Variants in PCNX2 observed in about 807,000 individuals in gnomAD.
The protein encoded by PCNX2 is pecanex-like protein 2.
Under a neutral mutation model 223.8 loss-of-function variants are expected in PCNX2, and 168 were observed. The observed-to-expected ratio is 0.75, with a 90% CI of 0.66 to 0.85. The LOEUF is 0.85. PCNX2 is among the 40% of genes least tolerant of loss of function. The pLI is 0.00. For missense variants in PCNX2, 2,507 were observed against 2,675.5 expected, an observed-to-expected ratio of 0.94 and a Z score of 1.39; for synonymous variants, 1,006 against 1,052.6, an observed-to-expected ratio of 0.96 and a Z score of 0.86.
At chr1:233,157,965 C>T (rs2102815848) in intron 19 of PCNX2, among the ~76,000 whole-genome samples, 1 of 152,068 alleles carries the variant, frequency 6.6e-6, no homozygotes, top group Admixed American at 6.6e-5. Context: ...AGTGTGGACC[C>T]CTCCCAGCCT....
chr1:233,214,885 T>C (rs1047792863), intron 12 of PCNX2, among the ~76,000 whole-genome samples: 2 of 152,184 alleles, frequency 1.3e-5, no homozygotes, highest in Non-Finnish European at 2.9e-5. Flanking sequence ...ATACACAGTG[T>C]TATGCAAAAA....
chr1:233,121,040 T>A (rs773555641), intron 21 of PCNX2, among the ~76,000 whole-genome samples: 29 of 151,072 alleles, frequency 1.9e-4, no homozygotes, highest in Non-Finnish European at 1.0e-4. Flanking sequence ...CAAGGAACAA[T>A]TGGAGTTTAA....
At position 233,161,034 on chromosome 1, in the gene PCNX2, C is replaced by T. The variant is rs562132608; in HGVS notation, c.3366+237G>A. ...CATCATTCTTGCAAACAAAACAGCT[C>T]CCCAGATGCAGGAAAGGGTAAGGAT... On this transcript the variant is annotated intron_variant, in intron 18 of 33. Coordinates refer to ENST00000258229, the MANE Select transcript of PCNX2 (RefSeq NM_014801.4). Among the ~76,000 whole-genome samples, 83 of 152,250 alleles carry T rather than the reference C, an allele frequency of 5.5e-4. 1 individual carries two copies. In the South Asian group the frequency reaches 0.013, roughly 24 times the overall value.
chr1:233,292,937 T>A (rs1048216445), intron 1 of PCNX2, among the ~76,000 whole-genome samples: 1 of 152,214 alleles, frequency 6.6e-6, no homozygotes, highest in East Asian at 1.9e-4. Context: ...TGTTTTTTTT[T>A]AAAGTCTGAT....
At position 233,139,974 on chromosome 1, in the gene PCNX2, G is replaced by T; in HGVS notation, c.3518-119C>A. The stretch of plus-strand genomic sequence containing the variant: ...TTCAAAAGCTGCTAATTAAGAACTC[G>T]TGATACTAGACATGATATACCATTT... On this transcript the variant is annotated intron_variant, in intron 19 of 33. Coordinates refer to ENST00000258229, the MANE Select transcript of PCNX2 (RefSeq NM_014801.4). This position sits in a 1 kb window ranked among gnomAD's most constrained non-coding sequence, Gnocchi z 4.4. 1 of 1,262,538 alleles carries T rather than the reference G, an allele frequency of 7.9e-7. No individual in the cohort carries two copies. The highest frequency in any genetic ancestry group is 1.6e-5 in the South Asian group (1 of 62,758). The allele number at this position is 1,262,538 out of a possible 1,614,324, so 78.2% of individuals were successfully genotyped here. A position where few individuals can be genotyped will look rare whatever the true frequency, so the allele number is the denominator to read the frequency against.
intron 19 of PCNX2, among the ~76,000 whole-genome samples, chr1:233,157,907 G>C (rs940818351): frequency 1.3e-5 from 2 of 152,036 alleles, no homozygotes; most frequent in Admixed American, 6.6e-5. Context: ...AGCTAGTGTA[G>C]GTAGGTGAGA....
upstream of PCNX2, among the ~76,000 whole-genome samples, chr1:233,298,384 C>T (rs1662206075): frequency 6.6e-6 from 1 of 152,146 alleles, no homozygotes; most frequent in African/African-American, 2.4e-5. Flanking sequence ...GACATAGCCT[C>T]AGCCATTTTG....
chr1:233,184,309 T>A (rs867986246), intron 15 of PCNX2, among the ~76,000 whole-genome samples: 2 of 151,888 alleles, frequency 1.3e-5, no homozygotes, highest in Non-Finnish European at 2.9e-5. Flanking sequence ...AATTGTTCTG[T>A]GGAAGGCACT....
At chr1:233,189,595 A>C (rs1227865542) in intron 15 of PCNX2, among the ~76,000 whole-genome samples, 2 of 152,162 alleles carry the variant, frequency 1.3e-5, no homozygotes, top group Non-Finnish European at 2.9e-5. Context: ...AGTTTGTTTT[A>C]CATTTACAAT....
At chr1:233,112,324 C>T (rs75965401) in intron 21 of PCNX2, among the ~76,000 whole-genome samples, 3,260 of 152,224 alleles carry the variant, frequency 0.021, 34 homozygotes, top group East Asian at 0.043. Flanking sequence ...GCTTCCCTGG[C>T]GCTTCACCAG....
intron 17 of PCNX2, among the ~76,000 whole-genome samples, chr1:233,169,736 C>T (rs936924924): frequency 1.3e-5 from 2 of 151,454 alleles, no homozygotes; most frequent in African/African-American, 4.9e-5. Context: ...ACCTCTGTAA[C>T]CACCAACTAG....
the PCNX2 span, among the ~76,000 whole-genome samples, chr1:233,312,887 A>G: frequency 6.6e-6 from 1 of 152,094 alleles, no homozygotes; most frequent in African/African-American, 2.4e-5. Flanking sequence ...AAAAAAATTC[A>G]TATGAAGAAA....
chr1:233,103,599 G>T (rs1674611774), intron 21 of PCNX2, among the ~76,000 whole-genome samples: 1 of 152,052 alleles, frequency 6.6e-6, no homozygotes, highest in African/African-American at 2.4e-5. Flanking sequence ...CATCCATGTT[G>T]TTGCAAATGA....
At chr1:233,271,481 T>C (rs564895046) in intron 1 of PCNX2, among the ~76,000 whole-genome samples, 6 of 152,322 alleles carry the variant, frequency 3.9e-5, no homozygotes, top group South Asian at 2.1e-4. Context: ...CCAAATGATA[T>C]AGAAAATGAC....
intron 10 of PCNX2, among the ~76,000 whole-genome samples, chr1:233,218,423 AT>A (rs1156989328): frequency 1.4e-5 from 2 of 147,420 alleles, no homozygotes; most frequent in Non-Finnish European, 3.0e-5. Context: ...TAATTTTTTT[AT>A]TTTTTTTAGT....
chr1:233,095,512 G>C (rs903888076), intron 22 of PCNX2: 36 of 514,308 alleles, frequency 7.0e-5, no homozygotes, highest in South Asian at 6.4e-4. Context: ...CATGGGAAAT[G>C]GAAGGACCAG....
chr1:233,090,317 C>T (rs1044102174), intron 22 of PCNX2, 127 bp from the exon 23 acceptor site: 5 of 1,081,330 alleles, frequency 4.6e-6, no homozygotes, highest in Non-Finnish European at 6.6e-6. Context: ...AGAACACACA[C>T]TTAATCTCTC....
intron 21 of PCNX2, chr1:233,112,755 C>T (rs191759815): frequency 9.4e-6 from 10 of 1,064,278 alleles, no homozygotes; most frequent in Non-Finnish European, 1.2e-5. Context: ...TATACTTTGG[C>T]ATGAGAATTA....
At chr1:233,143,285 G>A (rs1677235916) in intron 19 of PCNX2, among the ~76,000 whole-genome samples, 1 of 152,124 alleles carries the variant, frequency 6.6e-6, no homozygotes, top group Non-Finnish European at 1.5e-5. Context: ...TCACTTCGGG[G>A]CAAAGCTGAA....
Sources: allele counts gnomAD v4.1 joint callset (sites outside exome capture counted in the v4.1 genomes callset), GRCh38; gene constraint gnomAD v4.1.1; non-coding constraint Gnocchi (gnomAD v3.1); transcripts MANE v1.5; gene names NCBI Gene and HGNC (gene_info 2026-07-23, HGNC 2026-07-21).